Variants in YY1 observed in about 807,000 individuals in gnomAD.
The protein encoded by YY1 is YY1 transcription factor.
In YY1, 2 loss-of-function variants were observed where a neutral mutation model predicts 35.6. That is an observed-to-expected ratio of 0.06 (90% CI 0.02 to 0.18). YY1 has a LOEUF of 0.18. Ranked by LOEUF, YY1 falls within the 10% of genes least tolerant of loss-of-function variation. YY1 has a pLI of 1.00. For missense variants in YY1, 322 were observed against 573.4 expected (o/e 0.56, Z 4.48); for synonymous variants, 268 against 238.9 (o/e 1.12, Z -1.12).
chr14:100,245,911 G>T (rs1227375078), intron 1 of YY1, among the ~76,000 whole-genome samples: 1 of 152,152 alleles, frequency 6.6e-6, no homozygotes, highest in East Asian at 1.9e-4. Flanking sequence ...CCAGCCAGGA[G>T]TAACTGTTTT....
chr14:100,247,630 G>T (rs146839566), intron 1 of YY1, among the ~76,000 whole-genome samples: 1 of 152,288 alleles, frequency 6.6e-6, no homozygotes, highest in African/African-American at 2.4e-5. Flanking sequence ...GTATTAGGAA[G>T]AGCCAAGGGA....
intron 3 of YY1, among the ~76,000 whole-genome samples, 172 bp downstream of exon 3, chr14:100,274,930 T>A (rs538027493): frequency 1.5e-4 from 23 of 152,348 alleles, no homozygotes; most frequent in African/African-American, 4.6e-4. Flanking sequence ...AAGGCAACTT[T>A]TTAAATACTG....
At chr14:100,259,782 A>AC (rs983566790) in intron 1 of YY1, among the ~76,000 whole-genome samples, 32 of 152,224 alleles carry the variant, frequency 2.1e-4, no homozygotes, top group African/African-American at 7.7e-4. Context: ...AAAGCTGGTT[A>AC]GAATATAGAA....
intron 2 of YY1, among the ~76,000 whole-genome samples, chr14:100,265,078 T>C (rs1595328699): frequency 6.6e-6 from 1 of 151,876 alleles, no homozygotes; most frequent in Admixed American, 6.6e-5. Context: ...AAATTGTCTC[T>C]AAAAAAGAAG....
At chr14:100,264,163 C>T (rs1456614824) in intron 2 of YY1, 3 of 151,986 alleles carry the variant, frequency 2.0e-5, no homozygotes, top group African/African-American at 7.3e-5. Context: ...CTGCACATGG[C>T]CCAAGAGTTT....
chr14:100,273,909 C>T (rs1891282826), intron 2 of YY1, among the ~76,000 whole-genome samples: 1 of 152,084 alleles, frequency 6.6e-6, no homozygotes. Context: ...AGGAGGCTCT[C>T]TGGACAGTAA....
rs371954569 is a variant in YY1, at chr14:100,249,757, T to G, written c.679+9834T>G. Among the ~76,000 whole-genome samples, 21 of 90,118 alleles carry G rather than the reference T, an allele frequency of 2.3e-4. No individual in the cohort carries two copies. The South Asian group carries it at 2.5e-3, about 11-fold the overall frequency. 59.1% of individuals were successfully genotyped at this position (90,118 alleles called of 152,430 possible). Reference sequence around the variant, plus strand: ...AGATTTGCTACTTACCGTTTTTTTTTTTGTTTGTTTTTGTTTTTGTTTTTG... The same window carrying G: ...AGATTTGCTACTTACCGTTTTTTTTGTTGTTTGTTTTTGTTTTTGTTTTTG... On this transcript the variant is annotated intron_variant, in intron 1 of 4. Coordinates refer to ENST00000262238, the MANE Select transcript of YY1 (RefSeq NM_003403.5).
At chr14:100,273,429 T>A (rs1891274103) in intron 2 of YY1, among the ~76,000 whole-genome samples, 1 of 152,196 alleles carries the variant, frequency 6.6e-6, no homozygotes, top group Non-Finnish European at 1.5e-5. Flanking sequence ...GTTGGGACTA[T>A]CGACACACAC....
At chr14:100,263,214 G>A (rs1462874878) in intron 2 of YY1, among the ~76,000 whole-genome samples, 1 of 152,208 alleles carries the variant, frequency 6.6e-6, no homozygotes. Flanking sequence ...CCAGCCTGTA[G>A]TACACATTTT....
intron 2 of YY1, among the ~76,000 whole-genome samples, chr14:100,263,343 T>TC (rs1181453246): frequency 6.6e-6 from 1 of 152,202 alleles, no homozygotes; most frequent in Admixed American, 6.5e-5. Flanking sequence ...TCAGTTAAGC[T>TC]CCTGGTATGT....
In YY1 at chr14:100,276,372, TA is replaced by T; in HGVS notation, c.904-114del. On this transcript the variant is annotated intron_variant, in intron 3 of 4. Coordinates refer to ENST00000262238, the MANE Select transcript of YY1 (RefSeq NM_003403.5). This position sits in a 1 kb window ranked among gnomAD's most constrained non-coding sequence, Gnocchi z 4.1. ...GTTCTACCGTAATACTAAGTAAAAT[TA>T]AAATGGGGGGTTGGGGAGGTGGTTT... The T allele has an allele frequency of 7.1e-7, 1 of 1,400,004 alleles. No individual in the cohort carries two copies. Among genetic ancestry groups the T allele is most frequent in the Non-Finnish European group, 1.0e-6 (1 of 1,002,970 alleles). 86.7% of individuals were successfully genotyped at this position (1,400,004 alleles called of 1,614,324 possible). A position where few individuals can be genotyped will look rare whatever the true frequency, so the allele number is the denominator to read the frequency against.
chr14:100,240,479 C>G (rs1890719252), intron 1 of YY1, among the ~76,000 whole-genome samples: 1 of 152,104 alleles, frequency 6.6e-6, no homozygotes, highest in African/African-American at 2.4e-5. Flanking sequence ...CCCCGGACTC[C>G]CAACTGCTCC....
At chr14:100,242,547 C>T (rs1890766478) in intron 1 of YY1, among the ~76,000 whole-genome samples, 1 of 151,596 alleles carries the variant, frequency 6.6e-6, no homozygotes, top group African/African-American at 2.4e-5. Flanking sequence ...CACCACCACG[C>T]CCGGCTAATT....
At chr14:100,252,965 C>G (rs1270836273) in intron 1 of YY1, among the ~76,000 whole-genome samples, 5 of 152,110 alleles carry the variant, frequency 3.3e-5, no homozygotes, top group Non-Finnish European at 7.4e-5. Flanking sequence ...ATCACTTGAG[C>G]TAGGGAGGTT....
intron 1 of YY1, among the ~76,000 whole-genome samples, chr14:100,244,489 C>T (rs1171454973): frequency 6.6e-6 from 1 of 151,194 alleles, no homozygotes; most frequent in African/African-American, 2.4e-5. Context: ...CGCCATGTTG[C>T]CCAGGCTTGT....
At chr14:100,248,879 G>A (rs971385854) in intron 1 of YY1, among the ~76,000 whole-genome samples, 1 of 150,922 alleles carries the variant, frequency 6.6e-6, no homozygotes, top group Non-Finnish European at 1.5e-5. Flanking sequence ...TGGTAGAGAC[G>A]GGTTTCACCG....
rs567460031 is a variant in YY1 at position 100,281,864 on chromosome 14, G to A, written c.*4264G>A. ...GAGAGGGCTGGCCTCTGACCCACAA[G>A]AGGGCAGATTTGTGGCCAAGAGGCT... is the stretch of plus-strand genomic sequence containing the variant. On this transcript the variant is annotated 3_prime_UTR_variant, in exon 5 of 5. Coordinates refer to ENST00000262238, the MANE Select transcript of YY1 (RefSeq NM_003403.5). The A allele has an allele frequency of 6.6e-6, 1 of 152,240 alleles. No homozygotes were observed. The highest frequency in any genetic ancestry group is 1.5e-5 in the Non-Finnish European group (1 of 68,076). The allele number at this position is 152,240 out of a possible 1,614,324, so 9.4% of individuals were successfully genotyped here.
intron 1 of YY1, among the ~76,000 whole-genome samples, chr14:100,252,564 C>A (rs1384757892): frequency 2.6e-5 from 4 of 152,110 alleles, no homozygotes; most frequent in Non-Finnish European, 5.9e-5. Flanking sequence ...GTCACCTAAT[C>A]GACAGTTTTG....
Position 100,278,662 on chromosome 14 carries a change from C to A in YY1, c.*1062C>A, listed in dbSNP as rs1400488189. On this transcript the variant is annotated 3_prime_UTR_variant, in exon 5 of 5. Transcript: ENST00000262238. ...TTTTAATACTTCCTACATGTCCTGACTTCTGAAAGAGAGTAGGTAACAGGC... is the reference window on the plus strand; with the variant it reads ...TTTTAATACTTCCTACATGTCCTGAATTCTGAAAGAGAGTAGGTAACAGGC... The A allele has an allele frequency of 6.6e-6, 1 of 152,244 alleles. No individual in the cohort carries two copies. The highest frequency in any genetic ancestry group is 1.5e-5 in the Non-Finnish European group (1 of 68,046). 9.4% of individuals were successfully genotyped at this position (152,244 alleles called of 1,614,324 possible). A position where few individuals can be genotyped will look rare whatever the true frequency, so the allele number is the denominator to read the frequency against.
Sources: gnomAD v4.1 joint callset for allele counts (sites outside exome capture counted in the v4.1 genomes callset) on GRCh38, gnomAD v4.1.1 for gene constraint, Gnocchi (gnomAD v3.1) non-coding constraint, MANE v1.5 for transcripts, NCBI Gene and HGNC (gene_info 2026-07-23, HGNC 2026-07-21) for gene names.